Variants in EIF2AK2 observed in about 807,000 individuals in gnomAD.
EIF2AK2 encodes the protein eukaryotic translation initiation factor 2 alpha kinase 2.
EIF2AK2 carries 40 observed loss-of-function variants against 70.5 expected under a neutral mutation model. The ratio of observed to expected loss-of-function variants is 0.57; its 90% CI spans 0.44 to 0.74. The LOEUF is 0.74. EIF2AK2 is among the 30% of genes least tolerant of loss of function. The probability of loss-of-function intolerance (pLI) is 0.00; values close to 1 mark genes in which losing one functional copy is unlikely to be tolerated. For synonymous variants in EIF2AK2, 198 were observed against 220.9 expected (o/e 0.90, Z 0.92); for missense variants, 555 against 644.3 (o/e 0.86, Z 1.50).
chr2:37,129,957 A>G (rs1404878776), intron 10 of EIF2AK2, among the ~76,000 whole-genome samples: 1 of 151,516 alleles, frequency 6.6e-6, no homozygotes, highest in East Asian at 1.9e-4. Context: ...TGGAACACTG[A>G]CTCCCCCATG....
chr2:37,107,043 A>T lies in EIF2AK2; in HGVS notation c.*230T>A. Reference sequence around the variant, plus strand: ...GGCAACAGAGCGAGACTCTGTCTTTAAAAAAAAAAAAAGAATAAAGAGATG... The same window carrying T: ...GGCAACAGAGCGAGACTCTGTCTTTTAAAAAAAAAAAAGAATAAAGAGATG... On this transcript the variant is annotated 3_prime_UTR_variant, in exon 17 of 17. Transcript: ENST00000233057. The T allele has an allele frequency of 3.6e-5, 6 of 165,318 alleles. No individual in the cohort carries two copies. Among genetic ancestry groups the T allele is most frequent in the South Asian group, 1.0e-4 (1 of 9,722 alleles). The allele number at this position is 165,318 out of a possible 1,614,324, so 10.2% of individuals were successfully genotyped here. A position where few individuals can be genotyped will look rare whatever the true frequency, so the allele number is the denominator to read the frequency against.
intron 1 of EIF2AK2, among the ~76,000 whole-genome samples, chr2:37,152,494 T>C (rs1046776344): frequency 2.0e-5 from 3 of 152,128 alleles, no homozygotes; most frequent in African/African-American, 7.2e-5. Flanking sequence ...TTGGCCAGGC[T>C]GGTCTCCAAC....
chr2:37,155,950 A>AAAAAG lies in EIF2AK2; in HGVS notation c.-184+953_-184+957dup, dbSNP rs1553340885. 6.7e-3 allele frequency among the ~76,000 whole-genome samples: 927 copies of AAAAAG among 138,864 alleles called. 39 individuals are homozygous for AAAAAG. The highest frequency in any genetic ancestry group is 7.5e-3 in the Middle Eastern group (2 of 268). The allele number at this position is 138,864 out of a possible 152,430, so 91.1% of individuals were successfully genotyped here. A position where few individuals can be genotyped will look rare whatever the true frequency, so the allele number is the denominator to read the frequency against. The stretch of plus-strand genomic sequence containing the variant: ...GTGAGAATCTGTCTCAAAAAAAAAA[A>AAAAAG]AAAAGAAAAGAAAAGAAAGAAAATG... On this transcript the variant is annotated intron_variant, in intron 1 of 16. Coordinates refer to ENST00000233057, the MANE Select transcript of EIF2AK2 (RefSeq NM_001135651.3).
chr2:37,108,554 CT>C (rs1255623366), intron 15 of EIF2AK2, among the ~76,000 whole-genome samples: 3 of 152,102 alleles, frequency 2.0e-5, no homozygotes, highest in Non-Finnish European at 4.4e-5. Context: ...AAATAAGCTC[CT>C]TGAGAACAAG....
rs202209769 is a variant in EIF2AK2, at chr2:37,138,301, C to A, written c.656G>T (p.Ser219Ile). The A allele has an allele frequency of 6.2e-7, 1 of 1,613,908 alleles. No homozygotes were observed. Among genetic ancestry groups the A allele is most frequent in the South Asian group, 1.1e-5 (1 of 91,062 alleles). Reference protein sequence around the residue: ...SADTSEINSNSDSLNSSSLLM... With the variant: ...SADTSEINSNIDSLNSSSLLM... ...CAACGAAGAACTGTTTAAACTGTCA[C>A]TGTTAGAATTTATCTCTGATGTATC... is the stretch of plus-strand genomic sequence containing the variant. Residue 219 changes from serine (S) to isoleucine (I), a missense_variant, in exon 8 of 17, where the codon AGT (serine) becomes ATT (isoleucine). This residue lies in a region of EIF2AK2 where 208 missense variants were observed against 191.8 expected (regional missense o/e 1.08). Coordinates refer to ENST00000233057, the MANE Select transcript of EIF2AK2 (RefSeq NM_001135651.3).
rs1178891554 is a variant in EIF2AK2 at position 37,156,930 on chromosome 2, G to A, written c.-206C>T. 3 of 184,916 alleles carry A rather than the reference G, an allele frequency of 1.6e-5. No homozygotes were observed. Among genetic ancestry groups the A allele is most frequent in the East Asian group, 1.7e-4 (1 of 6,036 alleles). The allele number at this position is 184,916 out of a possible 1,614,324, so 11.5% of individuals were successfully genotyped here. On this transcript the variant is annotated 5_prime_UTR_variant, in exon 1 of 17. Transcript: ENST00000233057. ...CACCTGCGCCGCCGCCGCCGCCGCC[G>A]CCGCCGCCGGCCGGAGACCCGCGGC... is the stretch of plus-strand genomic sequence containing the variant.
chr2:37,139,397 C>CTGT (rs1446033527), intron 6 of EIF2AK2, among the ~76,000 whole-genome samples: 20 of 152,060 alleles, frequency 1.3e-4, no homozygotes, highest in African/African-American at 4.8e-4. Context: ...AGGTGTGAGC[C>CTGT]ACCACACCCA....
chr2:37,132,941 T>C (rs1234460204), intron 10 of EIF2AK2, among the ~76,000 whole-genome samples: 1 of 152,214 alleles, frequency 6.6e-6, no homozygotes, highest in African/African-American at 2.4e-5. Context: ...ACAAATGAGC[T>C]TCGACTGTCA....
Position 37,122,536 on chromosome 2 carries a change from T to C in EIF2AK2, c.1037A>G (p.Tyr346Cys), listed in dbSNP as rs771110291. ...ACTATTTTTGCTGTTCTCAGGATCA[T>C]AATCACTGCTCTCAAGAGAATCATC... ...TSDDSLESSD[Y>C]DPENSKNSSR... is the part of the protein sequence containing the mutation. The change falls in exon 12 of 17, where the codon TAT becomes TGT. Residue 346 changes from tyrosine (Y) to cysteine (C), a missense_variant. Tyr to Cys is a radical substitution (Grantham distance 194). This residue lies in a region of EIF2AK2 where 299 missense variants were observed against 375.4 expected (regional missense o/e 0.80). Coordinates refer to ENST00000233057, the MANE Select transcript of EIF2AK2 (RefSeq NM_001135651.3). 4.3e-6 allele frequency: 7 copies of C among 1,614,030 alleles called. No homozygotes were observed. The East Asian group carries it at 6.7e-5, about 15-fold the overall frequency.
intron 1 of EIF2AK2, chr2:37,149,260 GA>G: frequency 9.3e-7 from 1 of 1,073,246 alleles, no homozygotes; most frequent in Non-Finnish European, 1.4e-6. Flanking sequence ...TGAGCAAACT[GA>G]AATTGAAGGA....
At chr2:37,130,094 A>ATATTTTATTTTAT (rs200920866) in intron 10 of EIF2AK2, among the ~76,000 whole-genome samples, 7,106 of 151,964 alleles carry the variant, frequency 0.047, 191 homozygotes, top group Middle Eastern at 0.062. Context: ...TTGGCTGCCA[A>ATATTTTATTTTAT]TATTTTATTT....
At chr2:37,134,511 C>T (rs1450087999) in intron 10 of EIF2AK2, among the ~76,000 whole-genome samples, 1 of 152,210 alleles carries the variant, frequency 6.6e-6, no homozygotes, top group African/African-American at 2.4e-5. Flanking sequence ...CAACCAATGC[C>T]TCTGGCCTAA....
intron 4 of EIF2AK2, among the ~76,000 whole-genome samples, chr2:37,145,029 T>TA (rs1219679584): frequency 1.7e-4 from 25 of 146,776 alleles, no homozygotes; most frequent in Middle Eastern, 3.5e-3. Context: ...GTTTAAAAGT[T>TA]AAAAAAAAAA....
At position 37,109,241 on chromosome 2, in the gene EIF2AK2, G is replaced by T; in HGVS notation, c.1432C>A (p.Leu478Ile). 6.2e-7 allele frequency: 1 copy of T among 1,614,156 alleles called. No individual in the cohort carries two copies. The highest frequency in any genetic ancestry group is 8.5e-7 in the Non-Finnish European group (1 of 1,180,022). ...EVDLYALGLI[L>I]AELLHVCDTA... ...TCACATACATGAAGAAGTTCAGCAAGAATTAGCCCCAAAGCGTAGAGGTCC... is the reference window on the plus strand; with the variant it reads ...TCACATACATGAAGAAGTTCAGCAATAATTAGCCCCAAAGCGTAGAGGTCC... Residue 478 changes from leucine (L) to isoleucine (I), a missense_variant, in exon 15 of 17, where the codon CTT (leucine) becomes ATT (isoleucine). Leu to Ile is a conservative substitution (Grantham distance 5, BLOSUM62 2). Transcript: ENST00000233057.
chr2:37,137,392 T>G (rs567713195), intron 8 of EIF2AK2, among the ~76,000 whole-genome samples: 1 of 152,246 alleles, frequency 6.6e-6, no homozygotes, highest in Non-Finnish European at 1.5e-5. Context: ...AATACTCTTG[T>G]AACACTAATC....
intron 4 of EIF2AK2, among the ~76,000 whole-genome samples, chr2:37,144,650 C>G (rs956505296): frequency 2.7e-4 from 41 of 151,390 alleles, no homozygotes; most frequent in African/African-American, 9.7e-4. Context: ...GTCAGAAGAT[C>G]ACAGCTCACT....
At chr2:37,126,254 TG>T in intron 11 of EIF2AK2, 34 bp downstream of exon 11, 1 of 1,553,738 alleles carries the variant, frequency 6.4e-7, no homozygotes, top group Non-Finnish European at 8.7e-7. Context: ...CAGCGTACCT[TG>T]CCATTCAAAA....
chr2:37,120,571 T>C (rs1256697687), intron 12 of EIF2AK2, among the ~76,000 whole-genome samples: 3 of 125,312 alleles, frequency 2.4e-5, no homozygotes, highest in Non-Finnish European at 5.3e-5. Context: ...GAAATCTAAA[T>C]ATAATAAACA....
intron 2 of EIF2AK2, 68 bp downstream of exon 2, chr2:37,148,788 AG>A: frequency 1.2e-6 from 1 of 824,732 alleles, no homozygotes; most frequent in Non-Finnish European, 2.2e-6. Context: ...CTAGCCCCCC[AG>A]AATTTGCATG....
Sources: gnomAD v4.1 joint callset for allele counts (sites outside exome capture counted in the v4.1 genomes callset) on GRCh38, gnomAD v4.1.1 for gene constraint, gnomAD v4.1.1 regional missense constraint, MANE v1.5 for transcripts, NCBI Gene and HGNC (gene_info 2026-07-23, HGNC 2026-07-21) for gene names.